Variants in CATSPERG observed in about 807,000 individuals in gnomAD.
CATSPERG encodes the protein catsper channel auxiliary subunit gamma.
CATSPERG carries 115 observed loss-of-function variants against 145.0 expected under a neutral mutation model. The ratio of observed to expected loss-of-function variants is 0.79; its 90% CI spans 0.68 to 0.93. The LOEUF (loss-of-function observed/expected upper bound fraction) is 0.93, where lower values mean the gene tolerates loss of function less well. Ranked by LOEUF, CATSPERG falls within the 40% of genes least tolerant of loss-of-function variation. The probability of loss-of-function intolerance (pLI) is 0.00; values close to 1 mark genes in which losing one functional copy is unlikely to be tolerated. For missense variants in CATSPERG, 1,296 were observed against 1,490.1 expected (o/e 0.87, Z 2.14); for synonymous variants, 588 against 589.0 (o/e 1.00, Z 0.02).
At chr19:38,344,835 G>C (rs938506577) in intron 6 of CATSPERG, among the ~76,000 whole-genome samples, 15 of 120,656 alleles carry the variant, frequency 1.2e-4, no homozygotes, top group Middle Eastern at 4.3e-3. Flanking sequence ...ACATATATAT[G>C]TATATACCTG....
At chr19:38,344,451 C>G in intron 6 of CATSPERG, 83 bp downstream of exon 6, 1 of 1,240,590 alleles carries the variant, frequency 8.1e-7, no homozygotes, top group East Asian at 2.5e-5. Context: ...AGCAGCAGAT[C>G]CCATTTAGGG....
chr19:38,343,546 T>C, intron 3 of CATSPERG, 34 bp from the exon 4 acceptor site: 1 of 1,517,116 alleles, frequency 6.6e-7, no homozygotes, highest in Non-Finnish European at 8.9e-7. Context: ...GAGGCTACCA[T>C]AAGGACACAC....
intron 20 of CATSPERG, among the ~76,000 whole-genome samples, chr19:38,363,677 T>A (rs1443092853): frequency 6.6e-6 from 1 of 151,734 alleles, no homozygotes; most frequent in Non-Finnish European, 1.5e-5. Context: ...TTAACGAGCA[T>A]GCTGCCTTCA....
Position 38,342,371 on chromosome 19 carries a change from G to A in CATSPERG, c.325-1209G>A, listed in dbSNP as rs150287144. ...TCCCAGCACTTTGGGAGGCCGAAGC[G>A]CGCAGATCAGTTGAGGTCAGGAGTT... On this transcript the variant is annotated intron_variant, in intron 3 of 28. Coordinates refer to ENST00000409235, the MANE Select transcript of CATSPERG (RefSeq NM_021185.5). 2.7e-3 allele frequency among the ~76,000 whole-genome samples: 418 copies of A among 152,066 alleles called. 3 individuals carry two copies. The highest frequency in any genetic ancestry group is 9.3e-3 in the African/African-American group (387 of 41,508).
In CATSPERG at chr19:38,360,494, G is replaced by A. The variant is rs757841923; in HGVS notation, c.1614G>A (p.Trp538Ter). 7 of 1,613,878 alleles carry A rather than the reference G, an allele frequency of 4.3e-6. No individual in the cohort carries two copies. The highest frequency in any genetic ancestry group is 1.7e-5 in the Admixed American group (1 of 60,002). The part of the protein sequence containing the change: ...VAIVTETEEI[W>*]YLLEGSYRVY... ...TCCGGCTGTCATACCCGCAGATCTG[G>A]TACCTCCTGGAGGGCAGCTACCGGG... is the stretch of plus-strand genomic sequence containing the variant. The change falls in exon 15 of 29, where the codon TGG (tryptophan) becomes TGA (stop). Residue 538 changes from tryptophan to a stop codon, truncating the protein, a stop_gained. Transcript: ENST00000409235. LOFTEE classifies it high-confidence loss of function.
intron 3 of CATSPERG, among the ~76,000 whole-genome samples, chr19:38,342,140 C>T (rs1969948723): frequency 6.7e-6 from 1 of 149,548 alleles, no homozygotes; most frequent in Non-Finnish European, 1.5e-5. Flanking sequence ...TTTTAGGAGG[C>T]TAAGGCTGGA....
chr19:38,344,897 A>ATTTTTTTTTTTTTT lies in CATSPERG; in HGVS notation c.669+530_669+531insTTTTTTTTTTTTTT, dbSNP rs1338386699. Among the ~76,000 whole-genome samples, 3 of 104,628 alleles carry ATTTTTTTTTTTTTT rather than the reference A, an allele frequency of 2.9e-5. 1 individual carries two copies. The allele number at this position is 104,628 out of a possible 152,430, so 68.6% of individuals were successfully genotyped here. A position where few individuals can be genotyped will look rare whatever the true frequency, so the allele number is the denominator to read the frequency against. ...CACACACACACATATATATATATATATATATTTTTTTTTTTTTTTTTTTTT... is the reference window on the plus strand; with the variant it reads ...CACACACACACATATATATATATATATTTTTTTTTTTTTTTATATTTTTTTTTTTTTTTTTTTTT... On this transcript the variant is annotated intron_variant, in intron 6 of 28. Transcript: ENST00000409235.
chr19:38,337,062 G>A, intron 1 of CATSPERG, 159 bp from the exon 2 acceptor site: 1 of 843,222 alleles, frequency 1.2e-6, no homozygotes, highest in African/African-American at 1.7e-5. Flanking sequence ...AGCAAGAGCA[G>A]GGGCGGGACC....
rs1568380944 is a variant in CATSPERG at position 38,361,853 on chromosome 19, T to C, written c.2086T>C (p.Tyr696His). The C allele has an allele frequency of 6.2e-7, 1 of 1,606,650 alleles. No homozygotes were observed. Among genetic ancestry groups the C allele is most frequent in the South Asian group, 1.1e-5 (1 of 90,050 alleles). Residue 696 changes from tyrosine to histidine, a missense_variant, in exon 17 of 29, where the codon TAC becomes CAC. Transcript: ENST00000409235. ...CTACCTGCTGTGGCTGCACTCCGTG[T>C]ACGACAAGGTGGGCGTCCGGCGGCG... Reference protein sequence around the residue: ...VYYLLWLHSVYDKPYADPVHD... With the variant: ...VYYLLWLHSVHDKPYADPVHD...
At chr19:38,339,035 G>A (rs541754512) in intron 3 of CATSPERG, among the ~76,000 whole-genome samples, 1 of 152,194 alleles carries the variant, frequency 6.6e-6, no homozygotes, top group East Asian at 1.9e-4. Context: ...GGGACCAGAG[G>A]GCCATTGCTA....
intron 26 of CATSPERG, among the ~76,000 whole-genome samples, 196 bp downstream of exon 26, chr19:38,368,333 TA>T (rs1970491617): frequency 6.6e-6 from 1 of 152,232 alleles, no homozygotes; most frequent in African/African-American, 2.4e-5. Flanking sequence ...TTTCAGGCCT[TA>T]GGCAGATGCC....
Position 38,368,135 on chromosome 19 carries a change from C to G in CATSPERG, c.3018C>G (p.Ile1006Met), listed in dbSNP as rs768355442. 1 of 1,613,922 alleles carries G rather than the reference C, an allele frequency of 6.2e-7. No individual in the cohort carries two copies. The highest frequency in any genetic ancestry group is 8.5e-7 in the Non-Finnish European group (1 of 1,179,816). ...TCATGTCCCACGAGAGCCCAGGCATCGAGTGAGTGCGTAGCCTGGCCCCTC... is the reference window on the plus strand; with the variant it reads ...TCATGTCCCACGAGAGCCCAGGCATGGAGTGAGTGCGTAGCCTGGCCCCTC... ...FHIMSHESPG[I>M]EWLCLENAPC... The change falls in exon 26 of 29, where the codon ATC becomes ATG. Residue 1006 changes from isoleucine to methionine, a missense_variant and splice_region_variant. Transcript: ENST00000409235.
chr19:38,343,928 G>C, intron 4 of CATSPERG, 65 bp from the exon 5 acceptor site: 2 of 1,533,886 alleles, frequency 1.3e-6, no homozygotes, highest in Non-Finnish European at 1.8e-6. Flanking sequence ...TCCCAGGGTG[G>C]TCTGGGGCCT....
At chr19:38,358,398 A>C (rs369979949) in intron 12 of CATSPERG, 34 bp from the exon 13 acceptor site, 32 of 1,613,938 alleles carry the variant, frequency 2.0e-5, no homozygotes, top group Non-Finnish European at 2.4e-5. Context: ...ACTCCACTTC[A>C]CTGCTGTGTC....
chr19:38,355,313 C>A (rs980496547), intron 9 of CATSPERG, among the ~76,000 whole-genome samples: 11 of 152,068 alleles, frequency 7.2e-5, no homozygotes, highest in African/African-American at 2.7e-4. Flanking sequence ...CCACTGCACT[C>A]CAGCCTGGGC....
In CATSPERG at chr19:38,360,776, C is replaced by T; in HGVS notation, c.1813C>T (p.Leu605Phe). Residue 605 changes from leucine to phenylalanine, a missense_variant, in exon 16 of 29, where the codon CTC becomes TTC. Coordinates refer to ENST00000409235, the MANE Select transcript of CATSPERG (RefSeq NM_021185.5). ...CCAGAAGGGCCAGCTGGTCAAGAGGCTCGTGCCCGTGGAGCAGCTTCTGAT... is the reference window on the plus strand; with the variant it reads ...CCAGAAGGGCCAGCTGGTCAAGAGGTTCGTGCCCGTGGAGCAGCTTCTGAT... ...NNQKGQLVKRLVPVEQLLMYQ... is the reference protein window; with the variant it reads ...NNQKGQLVKRFVPVEQLLMYQ... 6.2e-7 allele frequency: 1 copy of T among 1,613,576 alleles called. No individual in the cohort carries two copies. The highest frequency in any genetic ancestry group is 8.5e-7 in the Non-Finnish European group (1 of 1,179,818).
At chr19:38,367,370 G>A in intron 23 of CATSPERG, 58 bp downstream of exon 23, 1 of 1,582,486 alleles carries the variant, frequency 6.3e-7, no homozygotes, top group Non-Finnish European at 8.6e-7. Context: ...CCACTACTTT[G>A]TGCTCTCCCT....
Position 38,362,418 on chromosome 19 carries a change from G to T in CATSPERG, c.2200G>T (p.Gly734Cys). 6.2e-7 allele frequency: 1 copy of T among 1,614,140 alleles called. No individual in the cohort carries two copies. The highest frequency in any genetic ancestry group is 8.5e-7 in the Non-Finnish European group (1 of 1,180,032). Residue 734 changes from glycine to cysteine, a missense_variant, in exon 19 of 29, where the codon GGC becomes TGC. Physicochemically the swap from Gly to Cys is radical, Grantham distance 159. Coordinates refer to ENST00000409235, the MANE Select transcript of CATSPERG (RefSeq NM_021185.5). ...GGCGAGCAATTGGCGAAGCGCGGGC[G>T]GCGTGTCCATAGAAATGGACAGCTA... is the stretch of plus-strand genomic sequence containing the variant. Reference protein sequence around the residue: ...FLASNWRSAGGVSIEMDSYEK... With the variant: ...FLASNWRSAGCVSIEMDSYEK...
intron 4 of CATSPERG, 91 bp from the exon 5 acceptor site, chr19:38,343,902 G>A (rs1669336052): frequency 1.0e-5 from 15 of 1,486,816 alleles, no homozygotes; most frequent in Non-Finnish European, 1.4e-5. Context: ...GGCAGGTATG[G>A]GGAGTTGTGG....
Sources: allele counts gnomAD v4.1 joint callset (sites outside exome capture counted in the v4.1 genomes callset), GRCh38; gene constraint gnomAD v4.1.1; transcripts MANE v1.5; gene names NCBI Gene and HGNC (gene_info 2026-07-23, HGNC 2026-07-21).